NUDT5: variants seen among roughly 807,000 people sequenced by gnomAD.
NUDT5 encodes nudix hydrolase 5, also known as ADP-sugar pyrophosphatase.
NUDT5 carries 21 observed loss-of-function variants against 34.1 expected under a neutral mutation model. That is an observed-to-expected ratio of 0.62 (90% CI 0.44 to 0.89). The LOEUF is 0.89. Among genes scored for constraint, NUDT5 ranks in the 40% least tolerant of loss-of-function variants. NUDT5 has a pLI of 0.00. For synonymous variants in NUDT5, 85 were observed against 97.6 expected (o/e 0.87, Z 0.76); for missense variants, 249 against 274.8 (o/e 0.91, Z 0.66).
In NUDT5 at chr10:12,170,565, G is replaced by T; in HGVS notation, c.550+152C>A. ...CTGTGCCACCCAGAAAGGAAAATTA[G>T]TAGTGGTCACCTGCAGTTTTACAAG... On this transcript the variant is annotated intron_variant, in intron 9 of 9. Coordinates refer to ENST00000491614, the MANE Select transcript of NUDT5 (RefSeq NM_014142.4). This position sits in a 1 kb window ranked among gnomAD's most constrained non-coding sequence, Gnocchi z 4.9. 5 of 765,608 alleles carry T rather than the reference G, an allele frequency of 6.5e-6. No individual in the cohort carries two copies. Among genetic ancestry groups the T allele is most frequent in the Non-Finnish European group, 6.7e-6 (3 of 450,512 alleles). 47.4% of individuals were successfully genotyped at this position (765,608 alleles called of 1,614,324 possible). A position where few individuals can be genotyped will look rare whatever the true frequency, so the allele number is the denominator to read the frequency against.
chr10:12,180,685 TC>T (rs1345991596), intron 3 of NUDT5, among the ~76,000 whole-genome samples: 1 of 152,244 alleles, frequency 6.6e-6, no homozygotes, highest in Non-Finnish European at 1.5e-5. Flanking sequence ...AGTCAGCTCT[TC>T]GTCTCTACTT....
rs1045220737 is a variant in NUDT5 at position 12,169,380 on chromosome 10, G to A, written c.550+1337C>T. 9 of 1,242,550 alleles carry A rather than the reference G, an allele frequency of 7.2e-6. No homozygotes were observed. In the African/African-American group the frequency reaches 9.1e-5, roughly 13 times the overall value. 77.0% of individuals were successfully genotyped at this position (1,242,550 alleles called of 1,614,324 possible). ...TTGCCTACGTCACCCTGCTTTCCAC[G>A]CACCTCCTCAGAGGGAGGGGCTGTT... On this transcript the variant is annotated intron_variant, in intron 9 of 9. Coordinates refer to ENST00000491614, the MANE Select transcript of NUDT5 (RefSeq NM_014142.4). This position sits in a 1 kb window ranked among gnomAD's most constrained non-coding sequence, Gnocchi z 4.8.
At position 12,173,482 on chromosome 10, in the gene NUDT5, C is replaced by T. The variant is rs970146227; in HGVS notation, c.385+236G>A. Among the ~76,000 whole-genome samples the T allele has an allele frequency of 1.3e-5, 2 of 152,182 alleles. No homozygotes were observed. Among genetic ancestry groups the T allele is most frequent in the African/African-American group, 4.8e-5 (2 of 41,448 alleles). ...CCTCCCAAAGTGCTGGGATTACAGG[C>T]ATGAGCCACCACATCCAGCCAAAAG... On this transcript the variant is annotated intron_variant, in intron 6 of 9. Transcript: ENST00000491614. This position sits in a 1 kb window ranked among gnomAD's most constrained non-coding sequence, Gnocchi z 4.7.
chr10:12,172,299 G>C (rs1834871351), intron 7 of NUDT5, among the ~76,000 whole-genome samples: 1 of 150,924 alleles, frequency 6.6e-6, no homozygotes, highest in Non-Finnish European at 1.5e-5. Flanking sequence ...TTTTTTAAGA[G>C]AGACATGGTC....
At chr10:12,183,747 C>T (rs1835081208) in intron 3 of NUDT5, among the ~76,000 whole-genome samples, 1 of 152,082 alleles carries the variant, frequency 6.6e-6, no homozygotes, top group Non-Finnish European at 1.5e-5. Flanking sequence ...GCTTTTTTCC[C>T]ATTTTGCTAT....
rs1249574005 is a variant in NUDT5 at position 12,167,692 on chromosome 10, A to G, written c.*10T>C. ...CTCGTTTACAAAAATGGCCAGTGTCATATTTGGGCTTAAAATTTCAAGAAG... is the reference window on the plus strand; with the variant it reads ...CTCGTTTACAAAAATGGCCAGTGTCGTATTTGGGCTTAAAATTTCAAGAAG... On this transcript the variant is annotated 3_prime_UTR_variant, in exon 10 of 10. Coordinates refer to ENST00000491614, the MANE Select transcript of NUDT5 (RefSeq NM_014142.4). 1.2e-6 allele frequency: 2 copies of G among 1,613,720 alleles called. No homozygotes were observed. Among genetic ancestry groups the G allele is most frequent in the Admixed American group, 3.3e-5 (2 of 59,958 alleles).
At chr10:12,174,473 C>T (rs1429395116) in intron 5 of NUDT5, among the ~76,000 whole-genome samples, 1 of 151,640 alleles carries the variant, frequency 6.6e-6, no homozygotes, top group African/African-American at 2.4e-5. Context: ...TATTTAGTCT[C>T]ACCATGTTGG....
chr10:12,183,383 C>G (rs778924010), intron 3 of NUDT5, among the ~76,000 whole-genome samples: 1 of 152,228 alleles, frequency 6.6e-6, no homozygotes, highest in Non-Finnish European at 1.5e-5. Context: ...TATCTCTTAA[C>G]ATGTTTCCTA....
At chr10:12,195,264 A>G (rs564462132) in intron 1 of NUDT5, among the ~76,000 whole-genome samples, 8 of 152,218 alleles carry the variant, frequency 5.3e-5, no homozygotes, top group Non-Finnish European at 1.0e-4. Context: ...AAACGATAGT[A>G]CAAGTTCGAT....
chr10:12,191,600 G>A (rs1485823133), intron 1 of NUDT5, among the ~76,000 whole-genome samples: 2 of 152,142 alleles, frequency 1.3e-5, no homozygotes, highest in Non-Finnish European at 2.9e-5. Context: ...GTAGTTTTGG[G>A]GGCCAGTGCC....
At chr10:12,177,251 G>A (rs755177265) in intron 5 of NUDT5, among the ~76,000 whole-genome samples, 9 of 152,178 alleles carry the variant, frequency 5.9e-5, no homozygotes, top group Non-Finnish European at 1.0e-4. Flanking sequence ...AGGGTGCAAG[G>A]GCTCACGCCT....
At chr10:12,188,728 TAAAAAA>T (rs1230471724) in intron 1 of NUDT5, among the ~76,000 whole-genome samples, 5 of 74,690 alleles carry the variant, frequency 6.7e-5, no homozygotes, top group African/African-American at 3.0e-4. Flanking sequence ...AGACTCCATC[TAAAAAA>T]AAAAAAAAAA....
chr10:12,167,969 A>G (rs910292599), intron 9 of NUDT5, 158 bp from the exon 10 acceptor site: 2 of 1,322,658 alleles, frequency 1.5e-6, no homozygotes, highest in Admixed American at 3.3e-5. Context: ...CTTAAAGAAT[A>G]AAGACTATAA....
intron 5 of NUDT5, among the ~76,000 whole-genome samples, chr10:12,176,858 A>G (rs1197168363): frequency 1.3e-5 from 2 of 151,830 alleles, no homozygotes; most frequent in African/African-American, 4.8e-5. Flanking sequence ...GTGGTGGCTC[A>G]CACCTGTAAT....
rs1176920035 is a variant in NUDT5, at chr10:12,168,856, G to A, written c.551-1045C>T. On this transcript the variant is annotated intron_variant, in intron 9 of 9. Coordinates refer to ENST00000491614, the MANE Select transcript of NUDT5 (RefSeq NM_014142.4). The surrounding 1 kb of genome is among the most constrained non-coding windows in gnomAD (Gnocchi z 4.8). Reference sequence around the variant, plus strand: ...TGGCTCACTGCAACCTGCGCCTCCCGGGTTCAAGCGATTCTCCTGCCCCAG... The same window carrying A: ...TGGCTCACTGCAACCTGCGCCTCCCAGGTTCAAGCGATTCTCCTGCCCCAG... Among the ~76,000 whole-genome samples the A allele has an allele frequency of 2.0e-5, 3 of 151,946 alleles. No individual in the cohort carries two copies. Among genetic ancestry groups the A allele is most frequent in the African/African-American group, 7.3e-5 (3 of 41,348 alleles).
chr10:12,172,690 T>G (rs1241186101), intron 7 of NUDT5, 75 bp downstream of exon 7: 23 of 946,142 alleles, frequency 2.4e-5, no homozygotes, highest in Non-Finnish European at 3.9e-5. Flanking sequence ...ATTCTTTTAA[T>G]AAATCAAACT....
Position 12,189,678 on chromosome 10 carries a change from C to T in NUDT5, c.-41-3346G>A, listed in dbSNP as rs114519902. Among the ~76,000 whole-genome samples, 1,085 of 152,286 alleles carry T rather than the reference C, an allele frequency of 7.1e-3. 11 individuals are homozygous for T. Among genetic ancestry groups the T allele is most frequent in the African/African-American group, 0.025 (1,019 of 41,560 alleles). On this transcript the variant is annotated intron_variant, in intron 1 of 9. Transcript: ENST00000491614. The stretch of plus-strand genomic sequence containing the variant: ...TGCCAGCAACACGCTGCAGAAAGAA[C>T]GAGAAATGAGCTTTAAATTCCGTGC...
chr10:12,177,502 G>A (rs1834972700), intron 5 of NUDT5, among the ~76,000 whole-genome samples: 1 of 152,220 alleles, frequency 6.6e-6, no homozygotes, highest in African/African-American at 2.4e-5. Flanking sequence ...CTGGGTGATA[G>A]AGCGAGACTC....
Position 12,169,162 on chromosome 10 carries a change from A to T in NUDT5, c.551-1351T>A. The T allele has an allele frequency of 1.4e-6, 1 of 692,334 alleles. No individual in the cohort carries two copies. Among genetic ancestry groups the T allele is most frequent in the African/African-American group, 1.8e-5 (1 of 54,824 alleles). The allele number at this position is 692,334 out of a possible 1,614,324, so 42.9% of individuals were successfully genotyped here. A position where few individuals can be genotyped will look rare whatever the true frequency, so the allele number is the denominator to read the frequency against. On this transcript the variant is annotated intron_variant, in intron 9 of 9. Transcript: ENST00000491614. The surrounding 1 kb of genome is among the most constrained non-coding windows in gnomAD (Gnocchi z 4.8). The stretch of plus-strand genomic sequence containing the variant: ...ACTGTATTTTGATTCTGCTAAAGCT[A>T]GGCAACTTGGTTCTTTTACCCCTCC...
Sources: gnomAD v4.1 joint callset for allele counts (sites outside exome capture counted in the v4.1 genomes callset) on GRCh38, gnomAD v4.1.1 for gene constraint, Gnocchi (gnomAD v3.1) non-coding constraint, MANE v1.5 for transcripts, NCBI Gene and HGNC (gene_info 2026-07-23, HGNC 2026-07-21) for gene names.